The following BRINP3 variants were observed in gnomAD, a reference collection of about 807,000 sequenced individuals.
BRINP3 encodes the protein BMP/retinoic acid inducible neural specific 3.
Under a neutral mutation model 71.0 loss-of-function variants are expected in BRINP3, and 19 were observed. That is an observed-to-expected ratio of 0.27 (90% confidence interval 0.19 to 0.39). The LOEUF is 0.39. BRINP3 is among the 10% of genes least tolerant of loss of function. BRINP3 has a pLI of 1.00. For synonymous variants in BRINP3, 380 were observed against 337.7 expected (o/e 1.13, Z -1.37); for missense variants, 959 against 940.8 (o/e 1.02, Z -0.25).
chr1:190,359,489 G>A (rs961980495), intron 2 of BRINP3, among the ~76,000 whole-genome samples: 7 of 152,176 alleles, frequency 4.6e-5, no homozygotes, highest in African/African-American at 1.2e-4. Flanking sequence ...CGCAGGGTAC[G>A]ATGGCATGCA....
At chr1:190,202,204 G>T (rs1204576521) in intron 6 of BRINP3, among the ~76,000 whole-genome samples, 1 of 152,152 alleles carries the variant, frequency 6.6e-6, no homozygotes, top group East Asian at 1.9e-4. Context: ...GAGACATGAA[G>T]TCAAAGGAGA....
At chr1:190,126,360 A>T (rs1407826694) in intron 7 of BRINP3, among the ~76,000 whole-genome samples, 1 of 151,942 alleles carries the variant, frequency 6.6e-6, no homozygotes, top group Non-Finnish European at 1.5e-5. Context: ...TATCTGCAAT[A>T]CTAGAGAGAT....
intron 1 of BRINP3, among the ~76,000 whole-genome samples, chr1:190,459,803 A>G (rs574785429): frequency 6.6e-6 from 1 of 152,148 alleles, no homozygotes; most frequent in South Asian, 2.1e-4. Flanking sequence ...TATCAAACAT[A>G]TTTACTTTCA....
chr1:190,475,881 CA>C (rs1677467414), intron 1 of BRINP3: 4 of 152,146 alleles, frequency 2.6e-5, no homozygotes, highest in Admixed American at 2.0e-4. Context: ...GCAACAACAG[CA>C]GTCCTCCAAA....
At chr1:190,179,819 A>G (rs142469407) in intron 6 of BRINP3, among the ~76,000 whole-genome samples, 1 of 152,232 alleles carries the variant, frequency 6.6e-6, no homozygotes, top group Non-Finnish European at 1.5e-5. Flanking sequence ...TAGTGGCTCA[A>G]TGAACAGACT....
At chr1:190,426,196 G>A (rs147638706) in intron 2 of BRINP3, among the ~76,000 whole-genome samples, 5 of 151,794 alleles carry the variant, frequency 3.3e-5, no homozygotes, top group African/African-American at 7.2e-5. Context: ...TCTAAGTGAA[G>A]AAGTAAAATT....
intron 2 of BRINP3, among the ~76,000 whole-genome samples, chr1:190,347,864 T>C (rs1413351908): frequency 2.0e-5 from 3 of 152,116 alleles, no homozygotes; most frequent in African/African-American, 7.2e-5. Context: ...CATGTAAAAA[T>C]GTTCCCTTTA....
intron 7 of BRINP3, among the ~76,000 whole-genome samples, chr1:190,117,049 G>A (rs2226167): frequency 0.58 from 88,384 of 151,810 alleles, 26,137 homozygotes; most frequent in African/African-American, 0.69. Flanking sequence ...ACAAAACATA[G>A]TTGACCTTCT....
intron 6 of BRINP3, among the ~76,000 whole-genome samples, chr1:190,192,853 A>G (rs1246374302): frequency 6.6e-6 from 1 of 152,132 alleles, no homozygotes; most frequent in Non-Finnish European, 1.5e-5. Flanking sequence ...CTGAATTACA[A>G]CAGCCAAAAG....
chr1:190,225,932 T>C (rs941684817), intron 6 of BRINP3, 150 bp downstream of exon 6: 39 of 594,462 alleles, frequency 6.6e-5, no homozygotes, highest in Non-Finnish European at 7.5e-5. Context: ...TAATAACCAG[T>C]AGTAAAAGCA....
At chr1:190,138,688 A>G (rs1053502158) in intron 7 of BRINP3, among the ~76,000 whole-genome samples, 1 of 152,180 alleles carries the variant, frequency 6.6e-6, no homozygotes, top group Admixed American at 6.5e-5. Flanking sequence ...GCAGAGTTGC[A>G]GAACTGAGGC....
At chr1:190,450,930 C>A (rs573389384) in intron 2 of BRINP3, among the ~76,000 whole-genome samples, 1 of 152,166 alleles carries the variant, frequency 6.6e-6, no homozygotes, top group African/African-American at 2.4e-5. Context: ...ACCATCTTGT[C>A]TTTCCTTAGT....
chr1:190,271,529 C>A (rs573145739), intron 3 of BRINP3, among the ~76,000 whole-genome samples: 1 of 151,564 alleles, frequency 6.6e-6, no homozygotes, highest in South Asian at 2.1e-4. Flanking sequence ...CAACTCATTC[C>A]ATACCTAGAA....
intron 6 of BRINP3, among the ~76,000 whole-genome samples, chr1:190,223,966 A>C (rs1469013522): frequency 6.6e-6 from 1 of 151,844 alleles, no homozygotes; most frequent in Non-Finnish European, 1.5e-5. Flanking sequence ...AAAAACTATG[A>C]AATTCTTATG....
chr1:190,434,129 T>C (rs541146279), intron 2 of BRINP3, among the ~76,000 whole-genome samples: 1 of 152,158 alleles, frequency 6.6e-6, no homozygotes. Flanking sequence ...TATTTATTTA[T>C]TTATTTTGAG....
intron 4 of BRINP3, among the ~76,000 whole-genome samples, chr1:190,238,369 G>GT (rs1252766857): frequency 2.0e-5 from 3 of 151,952 alleles, no homozygotes; most frequent in Non-Finnish European, 2.9e-5. Context: ...TACATACTCT[G>GT]TTTTTTAAAA....
At chr1:190,278,477 T>C (rs530650734) in intron 3 of BRINP3, among the ~76,000 whole-genome samples, 16 of 151,814 alleles carry the variant, frequency 1.1e-4, no homozygotes, top group South Asian at 4.1e-4. Context: ...GTAAGTACAA[T>C]AGCAATAATT....
intron 7 of BRINP3, among the ~76,000 whole-genome samples, chr1:190,127,472 G>T (rs890801692): frequency 2.0e-5 from 3 of 151,682 alleles, no homozygotes; most frequent in Non-Finnish European, 3.0e-5. Flanking sequence ...ATATAATTAG[G>T]TTTCATCCTG....
intron 6 of BRINP3, among the ~76,000 whole-genome samples, chr1:190,194,530 G>A (rs983043241): frequency 6.6e-6 from 1 of 152,046 alleles, no homozygotes; most frequent in Non-Finnish European, 1.5e-5. Flanking sequence ...GATTAGGGCA[G>A]TATCATAAGA....
Sources: gnomAD v4.1 joint callset for allele counts (sites outside exome capture counted in the v4.1 genomes callset) on GRCh38, gnomAD v4.1.1 for gene constraint, MANE v1.5 for transcripts, NCBI Gene and HGNC (gene_info 2026-07-23, HGNC 2026-07-21) for gene names.